Variants in DCC observed in about 807,000 individuals in gnomAD.
The protein encoded by DCC is DCC netrin 1 receptor, also known as netrin receptor DCC.
In DCC, 58 loss-of-function variants were observed where a neutral mutation model predicts 172.5. The ratio of observed to expected loss-of-function variants is 0.34; its 90% CI spans 0.27 to 0.42. DCC has a LOEUF of 0.42. DCC is among the 10% of genes least tolerant of loss of function. The pLI is 1.00. For missense variants in DCC, 1,740 were observed against 1,791.0 expected (o/e 0.97, Z 0.51); for synonymous variants, 709 against 644.5 (o/e 1.10, Z -1.52).
chr18:53,028,017 A>G (rs925714087), intron 5 of DCC, among the ~76,000 whole-genome samples: 2 of 152,152 alleles, frequency 1.3e-5, no homozygotes, highest in Non-Finnish European at 1.5e-5. Flanking sequence ...ACAAAGAAAT[A>G]TTAGGGAACA....
At chr18:52,977,743 G>C (rs1305512934) in intron 5 of DCC, among the ~76,000 whole-genome samples, 1 of 151,844 alleles carries the variant, frequency 6.6e-6, no homozygotes, top group Non-Finnish European at 1.5e-5. Context: ...AAATTAGCCG[G>C]ACGTGGTGGC....
intron 5 of DCC, among the ~76,000 whole-genome samples, chr18:53,029,703 A>G (rs1305590837): frequency 6.6e-6 from 1 of 152,152 alleles, no homozygotes. Context: ...AGTAACCACA[A>G]AACCCTATCC....
intron 1 of DCC, among the ~76,000 whole-genome samples, chr18:52,427,831 C>CCTTCCTTTCTTCCTTCCTTT (rs1568165713): frequency 0.025 from 1,173 of 47,688 alleles, 123 homozygotes; most frequent in African/African-American, 0.065. Context: ...TTCCTTCCTT[C>CCTTCCTTTCTTCCTTCCTTT]CTTTCTTCCT....
chr18:52,617,743 T>A (rs968197407), intron 1 of DCC, among the ~76,000 whole-genome samples: 3 of 152,150 alleles, frequency 2.0e-5, no homozygotes, highest in African/African-American at 7.2e-5. Flanking sequence ...GAGTAAAATG[T>A]TTTTTAGAAC....
chr18:53,277,101 T>C (rs569582134), intron 12 of DCC, among the ~76,000 whole-genome samples: 5 of 152,250 alleles, frequency 3.3e-5, no homozygotes, highest in African/African-American at 1.2e-4. Context: ...AACAAATAAA[T>C]ATAGTACTCT....
chr18:52,823,820 T>TG (rs2038455009), intron 2 of DCC, among the ~76,000 whole-genome samples: 1 of 152,098 alleles, frequency 6.6e-6, no homozygotes, highest in Non-Finnish European at 1.5e-5. Context: ...GGATACATAA[T>TG]GGGGTGCCTG....
At chr18:53,235,473 C>T (rs1459591477) in intron 12 of DCC, among the ~76,000 whole-genome samples, 2 of 152,064 alleles carry the variant, frequency 1.3e-5, no homozygotes, top group Non-Finnish European at 2.9e-5. Context: ...TTCTTGTCTT[C>T]CAAGTAAGCA....
chr18:52,625,499 T>G (rs1290457648), intron 1 of DCC, among the ~76,000 whole-genome samples: 1 of 152,178 alleles, frequency 6.6e-6, no homozygotes, highest in Non-Finnish European at 1.5e-5. Flanking sequence ...CTAGACCATC[T>G]TCATTGACTT....
At position 53,534,802 on chromosome 18, in the gene DCC, C is replaced by T. The variant is rs537722176; in HGVS notation, c.*4149C>T. 6.6e-6 allele frequency: 1 copy of T among 152,248 alleles called. No individual in the cohort carries two copies. Among genetic ancestry groups the T allele is most frequent in the South Asian group, 2.1e-4 (1 of 4,822 alleles). 9.4% of individuals were successfully genotyped at this position (152,248 alleles called of 1,614,324 possible). ...TTATGTAAAAGACAAAATACCACAC[C>T]CATATCAGCAAATGAATATTACTAC... On this transcript the variant is annotated 3_prime_UTR_variant, in exon 29 of 29. Coordinates refer to ENST00000442544, the MANE Select transcript of DCC (RefSeq NM_005215.4).
chr18:52,416,533 C>T (rs1446522824), intron 1 of DCC, among the ~76,000 whole-genome samples: 2 of 151,692 alleles, frequency 1.3e-5, no homozygotes, highest in African/African-American at 2.4e-5. Context: ...TCACTCAGGA[C>T]TTGCTTTATG....
At chr18:52,840,728 GC>G (rs1181527107) in intron 2 of DCC, among the ~76,000 whole-genome samples, 8 of 152,108 alleles carry the variant, frequency 5.3e-5, no homozygotes, top group South Asian at 2.1e-4. Context: ...ACAATTGGAG[GC>G]TAAAAAGTAA....
At chr18:52,476,367 G>T (rs1322253306) in intron 1 of DCC, among the ~76,000 whole-genome samples, 2 of 152,166 alleles carry the variant, frequency 1.3e-5, no homozygotes, top group African/African-American at 2.4e-5. Flanking sequence ...GTGTGTGTTT[G>T]TGTGTGCATT....
intron 1 of DCC, among the ~76,000 whole-genome samples, chr18:52,390,038 C>A (rs1326567055): frequency 6.6e-6 from 1 of 151,636 alleles, no homozygotes; most frequent in African/African-American, 2.4e-5. Flanking sequence ...TAGTGCAGGG[C>A]AAAGGTGGGA....
At chr18:53,026,657 G>A (rs189588192) in intron 5 of DCC, among the ~76,000 whole-genome samples, 3 of 152,220 alleles carry the variant, frequency 2.0e-5, no homozygotes, top group Admixed American at 6.5e-5. Flanking sequence ...CTGGGCTCAA[G>A]CGAGCCTCCT....
chr18:52,375,595 G>A (rs1205780207), intron 1 of DCC, among the ~76,000 whole-genome samples: 1 of 152,162 alleles, frequency 6.6e-6, no homozygotes, highest in Non-Finnish European at 1.5e-5. Context: ...TGGGAGTCTT[G>A]AACCTTCATT....
At chr18:53,500,566 A>C in intron 27 of DCC, among the ~76,000 whole-genome samples, 1 of 151,590 alleles carries the variant, frequency 6.6e-6, no homozygotes, top group Middle Eastern at 3.4e-3. Flanking sequence ...ATGAAGTATA[A>C]ATATTAATTA....
chr18:53,426,252 TATATATAAATAC>T (rs1910931369), intron 21 of DCC, among the ~76,000 whole-genome samples: 1 of 145,448 alleles, frequency 6.9e-6, no homozygotes, highest in South Asian at 2.1e-4. Context: ...TTTATATATT[TATATATAAATAC>T]ATATATATTT....
chr18:53,209,204 T>C (rs1036500599), intron 11 of DCC, among the ~76,000 whole-genome samples: 2 of 152,142 alleles, frequency 1.3e-5, no homozygotes, highest in Admixed American at 6.5e-5. Flanking sequence ...AGAGAATAAA[T>C]TTGACAAAAT....
At chr18:53,203,744 C>G (rs1323474399) in intron 9 of DCC, among the ~76,000 whole-genome samples, 1 of 152,162 alleles carries the variant, frequency 6.6e-6, no homozygotes, top group African/African-American at 2.4e-5. Context: ...CAATGTATAT[C>G]TGTCCAAAGC....
Sources: gnomAD v4.1 joint callset for allele counts (sites outside exome capture counted in the v4.1 genomes callset) on GRCh38, gnomAD v4.1.1 for gene constraint, MANE v1.5 for transcripts, NCBI Gene and HGNC (gene_info 2026-07-23, HGNC 2026-07-21) for gene names.